GMPR2: variants seen among roughly 807,000 people sequenced by gnomAD.
The protein encoded by GMPR2 is guanosine monophosphate reductase 2.
Under a neutral mutation model 38.5 loss-of-function variants are expected in GMPR2, and 32 were observed. The observed-to-expected ratio is 0.83, with a 90% CI of 0.63 to 1.12. The LOEUF is 1.12. GMPR2 is among the 50% of genes most tolerant of loss of function. The pLI is 0.00. For synonymous variants in GMPR2, 154 were observed against 151.0 expected (o/e 1.02, Z -0.15); for missense variants, 396 against 432.1 (o/e 0.92, Z 0.74).
chr14:24,235,668 GGTCT>G (rs1165322606), intron 3 of GMPR2, 65 bp from the exon 4 acceptor site: 2 of 1,012,694 alleles, frequency 2.0e-6, no homozygotes, highest in Non-Finnish European at 1.6e-6. Flanking sequence ...AGATAGAATA[GGTCT>G]GTTTCTAGAA....
chr14:24,233,192 T>G, intron 1 of GMPR2, 27 bp from the exon 2 acceptor site: 2 of 1,612,692 alleles, frequency 1.2e-6, no homozygotes, highest in Non-Finnish European at 1.7e-6. Context: ...AGGGGAAGAT[T>G]GGTCCTTATG....
chr14:24,235,766 C>G lies in GMPR2; in HGVS notation c.237C>G (p.His79Gln). The G allele has an allele frequency of 1.2e-6, 2 of 1,613,746 alleles. No individual in the cohort carries two copies. The highest frequency in any genetic ancestry group is 1.7e-6 in the Non-Finnish European group (2 of 1,179,606). ...CTCTCTTCACTGCTGTCCATAAGCA[C>G]TATAGCCTCGTTCAGTGGCAAGAGT... ...KFSLFTAVHK[H>Q]YSLVQWQEFA... The change falls in exon 4 of 10, where the codon CAC (histidine) becomes CAG (glutamine). Residue 79 changes from histidine to glutamine, a missense_variant. His to Gln is a conservative substitution (Grantham distance 24). Coordinates refer to ENST00000399440, the MANE Select transcript of GMPR2 (RefSeq NM_001002002.3).
chr14:24,237,116 T>C lies in GMPR2; in HGVS notation c.511T>C (p.Ser171Pro), dbSNP rs765847689. 3.0e-5 allele frequency: 49 copies of C among 1,612,992 alleles called. No individual in the cohort carries two copies. Among genetic ancestry groups the C allele is most frequent in the Admixed American group, 6.7e-5 (4 of 60,000 alleles). The change falls in exon 6 of 10, where the codon TCT (serine) becomes CCT (proline). Residue 171 changes from serine to proline, a missense_variant. Ser to Pro is a moderately conservative substitution (Grantham distance 74, BLOSUM62 -1). Coordinates refer to ENST00000399440, the MANE Select transcript of GMPR2 (RefSeq NM_001002002.3). The part of the protein sequence containing the change: ...TGEMVEELIL[S>P]GADIIKVGIG... ...AGAGATGGTAGAAGAGCTCATCCTT[T>C]CTGGGGCTGACATCATCAAAGTGGG...
intron 7 of GMPR2, 53 bp from the exon 8 acceptor site, chr14:24,237,467 C>T (rs1179792924): frequency 6.3e-6 from 10 of 1,588,384 alleles, no homozygotes; most frequent in South Asian, 1.1e-5. Flanking sequence ...GTTGGGACAT[C>T]GCTGAGGGCT....
In GMPR2 at chr14:24,237,099, T is replaced by C. The variant is rs769260217; in HGVS notation, c.494T>C (p.Val165Ala). ...MAGNVVTGEMVEELILSGADI... is the reference protein window; with the variant it reads ...MAGNVVTGEMAEELILSGADI... ...GGGAATGTGGTAACAGGAGAGATGG[T>C]AGAAGAGCTCATCCTTTCTGGGGCT... The change falls in exon 6 of 10, where the codon GTA becomes GCA. Residue 165 changes from valine to alanine, a missense_variant. Coordinates refer to ENST00000399440, the MANE Select transcript of GMPR2 (RefSeq NM_001002002.3). 3 of 1,613,578 alleles carry C rather than the reference T, an allele frequency of 1.9e-6. No homozygotes were observed. The highest frequency in any genetic ancestry group is 2.2e-5 in the East Asian group (1 of 44,876).
intron 5 of GMPR2, 67 bp from the exon 6 acceptor site, chr14:24,237,004 A>C: frequency 8.6e-7 from 1 of 1,156,858 alleles, no homozygotes; most frequent in African/African-American, 1.5e-5. Flanking sequence ...GTCCATGCAT[A>C]CCGTAACAAT....
chr14:24,233,025 C>T, intron 1 of GMPR2, 48 bp downstream of exon 1: 1 of 649,764 alleles, frequency 1.5e-6, no homozygotes, highest in Non-Finnish European at 2.7e-6. Context: ...CCCAGCTCTC[C>T]TCCCCAACAA....
In GMPR2 at chr14:24,238,924, G is replaced by A. The variant is rs566422480; in HGVS notation, c.*146G>A. On this transcript the variant is annotated 3_prime_UTR_variant, in exon 10 of 10. Transcript: ENST00000399440. ...TCCTGAGGGCTCCTGCAGTAACTCT[G>A]TACTTCTCTATCTGCACACACAAAA... 9.6e-6 allele frequency: 7 copies of A among 729,832 alleles called. No individual in the cohort carries two copies. In the Admixed American group the frequency reaches 1.4e-4, roughly 15 times the overall value. 45.2% of individuals were successfully genotyped at this position (729,832 alleles called of 1,614,324 possible). A position where few individuals can be genotyped will look rare whatever the true frequency, so the allele number is the denominator to read the frequency against.
chr14:24,237,622 G>T, intron 8 of GMPR2, 60 bp downstream of exon 8: 6 of 1,423,810 alleles, frequency 4.2e-6, no homozygotes, highest in Non-Finnish European at 6.0e-6. Flanking sequence ...CACCTCTGAG[G>T]GTCTAGGGTC....
In GMPR2 at chr14:24,238,790, T is replaced by G. The variant is rs1249517249; in HGVS notation, c.*12T>G. ...GTGAGGCGTGCTAGACCTGAGCAGT[T>G]CTACCCTCCCAAGGCACCAGTACTC... On this transcript the variant is annotated 3_prime_UTR_variant, in exon 10 of 10. Coordinates refer to ENST00000399440, the MANE Select transcript of GMPR2 (RefSeq NM_001002002.3). 6.2e-7 allele frequency: 1 copy of G among 1,608,646 alleles called. No individual in the cohort carries two copies. The highest frequency in any genetic ancestry group is 8.5e-7 in the Non-Finnish European group (1 of 1,178,346).
intron 3 of GMPR2, chr14:24,233,828 G>A (rs1317920996): frequency 1.6e-6 from 1 of 619,268 alleles, no homozygotes; most frequent in Admixed American, 2.9e-5. Flanking sequence ...TCTGATATAT[G>A]AACAGAATTT....
intron 8 of GMPR2, 86 bp from the exon 9 acceptor site, chr14:24,238,160 A>G: frequency 8.3e-7 from 1 of 1,202,640 alleles, no homozygotes; most frequent in Non-Finnish European, 1.2e-6. Flanking sequence ...GTCAGGACTG[A>G]GAATATGGTG....
rs2040496022 is a variant in GMPR2, at chr14:24,239,176, C to CT, written c.*399dup. 8.1e-6 allele frequency: 3 copies of CT among 371,120 alleles called. No homozygotes were observed. Among genetic ancestry groups the CT allele is most frequent in the Non-Finnish European group, 1.6e-5 (3 of 191,116 alleles). The allele number at this position is 371,120 out of a possible 1,614,324, so 23.0% of individuals were successfully genotyped here. A position where few individuals can be genotyped will look rare whatever the true frequency, so the allele number is the denominator to read the frequency against. ...TTCACTAAATTGGACCTTCACATAT[C>CT]TAAAAAGCTCTGAAGTGTTTGTATA... On this transcript the variant is annotated 3_prime_UTR_variant, in exon 10 of 10. Coordinates refer to ENST00000399440, the MANE Select transcript of GMPR2 (RefSeq NM_001002002.3).
rs751647144 is a variant in GMPR2, at chr14:24,233,483, A to C, written c.92A>C (p.Asp31Ala). The C allele has an allele frequency of 3.2e-5, 52 of 1,613,584 alleles. No homozygotes were observed. Among genetic ancestry groups the C allele is most frequent in the Non-Finnish European group, 4.2e-5 (50 of 1,179,782 alleles). Reference protein sequence around the residue: ...RSTLKSRSEVDLTRSFSFRNS... With the variant: ...RSTLKSRSEVALTRSFSFRNS... ...ATTTCCTGTTCATATCTGCAGGTGG[A>C]TCTCACAAGATCCTTTTCATTTCGG... The change falls in exon 3 of 10, where the codon GAT becomes GCT. Residue 31 changes from aspartate to alanine, a missense_variant. Transcript: ENST00000399440.
Position 24,233,571 on chromosome 14 carries a change from C to T in GMPR2, c.180C>T (p.Thr60=). The change falls in exon 3 of 10, where the codon ACC becomes ACT. Residue 60 remains threonine, a synonymous_variant. Transcript: ENST00000399440. ...IIAANMDTVG[T]FEMAKVLCKF... is the part of the protein sequence containing the mutation. ...CTGCCAATATGGATACTGTGGGCAC[C>T]TTTGAGATGGCCAAGGTTCTCTGTA... 6.2e-7 allele frequency: 1 copy of T among 1,614,134 alleles called. No homozygotes were observed. The highest frequency in any genetic ancestry group is 2.2e-5 in the East Asian group (1 of 44,878).
At chr14:24,237,185 C>T (rs571824159) in intron 6 of GMPR2, 33 bp downstream of exon 6, 12 of 1,536,906 alleles carry the variant, frequency 7.8e-6, no homozygotes, top group South Asian at 1.1e-5. Context: ...CTGGCTACCC[C>T]CCTTCAGTGG....
chr14:24,233,868 AC>A, intron 3 of GMPR2: 1 of 550,344 alleles, frequency 1.8e-6, no homozygotes, highest in Non-Finnish European at 3.2e-6. Flanking sequence ...CAGTTTGTAC[AC>A]CTTGCCAACT....
At position 24,238,298 on chromosome 14, in the gene GMPR2, G is replaced by A. The variant is rs1177768691; in HGVS notation, c.750G>A (p.Glu250=). 6.2e-7 allele frequency: 1 copy of A among 1,614,144 alleles called. No homozygotes were observed. The highest frequency in any genetic ancestry group is 8.5e-7 in the Non-Finnish European group (1 of 1,179,990). ...GTGGCATGCTGGCTGGGCACAGTGA[G>A]TCAGGTGGTGAGCTCATCGAGAGGG... ...MLGGMLAGHS[E]SGGELIERDG... The change falls in exon 9 of 10, where the codon GAG becomes GAA. Residue 250 remains glutamate, a synonymous_variant. Transcript: ENST00000399440.
rs574424738 is a variant in GMPR2 at position 24,238,647 on chromosome 14, C to T, written c.916C>T (p.Arg306Ter). The change falls in exon 10 of 10, where the codon CGA (arginine) becomes TGA (stop). Residue 306 changes from arginine to a stop codon, truncating the protein, a stop_gained. Transcript: ENST00000399440. LOFTEE classifies it high-confidence loss of function. ...TAAAGGAGATGTGGAACATACCATC[C>T]GAGACATCCTAGGAGGGATCCGCTC... ...PFKGDVEHTI[R>*]DILGGIRSTC... 1.6e-5 allele frequency: 26 copies of T among 1,613,740 alleles called. No homozygotes were observed. The highest frequency in any genetic ancestry group is 2.0e-5 in the Non-Finnish European group (24 of 1,179,862).
Sources: gnomAD v4.1 joint callset for allele counts on GRCh38, gnomAD v4.1.1 for gene constraint, MANE v1.5 for transcripts, NCBI Gene and HGNC (gene_info 2026-07-23, HGNC 2026-07-21) for gene names.